IL1RAPL1: variants seen among roughly 807,000 people sequenced by gnomAD.
IL1RAPL1 encodes interleukin 1 receptor accessory protein like 1, also known as interleukin-1 receptor accessory protein-like 1.
Under a neutral mutation model 48.4 loss-of-function variants are expected in IL1RAPL1, and 3 were observed. The ratio of observed to expected loss-of-function variants is 0.06; its 90% CI spans 0.03 to 0.16. The LOEUF (loss-of-function observed/expected upper bound fraction) is 0.16, where lower values mean the gene tolerates loss of function less well. IL1RAPL1 is among the 10% of genes least tolerant of loss of function. The pLI, the probability that IL1RAPL1 is intolerant of heterozygous loss-of-function variation, is 1.00. For missense variants in IL1RAPL1, 349 were observed against 530.6 expected (o/e 0.66, Z 3.36); for synonymous variants, 185 against 187.7 (o/e 0.99, Z 0.12).
intron 2 of IL1RAPL1, among the ~76,000 whole-genome samples, chrX:29,056,573 TTTC>T (rs1472041474): frequency 8.9e-6 from 1 of 112,172 alleles, no homozygotes; most frequent in East Asian, 2.8e-4. Flanking sequence ...TCCACCAAAT[TTTC>T]TTCTTTTCTT....
chrX:29,445,799 T>C (rs2147722552), intron 5 of IL1RAPL1, among the ~76,000 whole-genome samples: 1 of 111,772 alleles, frequency 8.9e-6, no homozygotes, highest in Admixed American at 9.5e-5. Flanking sequence ...GGTTCAGTCA[T>C]AGGAGCCCTG....
intron 2 of IL1RAPL1, among the ~76,000 whole-genome samples, chrX:29,095,757 C>G (rs1928199921): frequency 2.1e-5 from 2 of 94,283 alleles, no homozygotes; most frequent in Non-Finnish European, 2.1e-5. Context: ...GAATTCATGG[C>G]AATACTGCAT....
intron 2 of IL1RAPL1, among the ~76,000 whole-genome samples, chrX:28,908,710 T>C (rs1923283277): frequency 8.9e-6 from 1 of 111,888 alleles, no homozygotes; most frequent in African/African-American, 3.2e-5. Context: ...ATCAAGTTAA[T>C]TGATGATGCT....
At chrX:29,835,898 T>TTC (rs751809384) in intron 6 of IL1RAPL1, among the ~76,000 whole-genome samples, 10 of 101,637 alleles carry the variant, frequency 9.8e-5, no homozygotes, top group Admixed American at 4.2e-4. Context: ...TTTTTTTTTT[T>TTC]AGTTAGTTAG....
chrX:29,055,871 T>C (rs1286282274), intron 2 of IL1RAPL1, among the ~76,000 whole-genome samples: 1 of 112,008 alleles, frequency 8.9e-6, no homozygotes, highest in Admixed American at 9.5e-5. Flanking sequence ...TAGATGCATG[T>C]ATATGACTTC....
At chrX:29,898,021 T>A (rs1932420050) in intron 6 of IL1RAPL1, among the ~76,000 whole-genome samples, 1 of 111,590 alleles carries the variant, frequency 9.0e-6, no homozygotes, top group African/African-American at 3.3e-5. Context: ...TGTTGGGAAA[T>A]AAAGACTCAT....
intron 2 of IL1RAPL1, among the ~76,000 whole-genome samples, chrX:29,207,079 CA>C (rs968054551): frequency 1.8e-5 from 2 of 110,757 alleles, no homozygotes; most frequent in Admixed American, 9.7e-5. Flanking sequence ...GGAGTGGGGG[CA>C]GGGGGGAGGA....
intron 2 of IL1RAPL1, among the ~76,000 whole-genome samples, chrX:28,873,885 G>A (rs761482536): frequency 2.6e-4 from 28 of 108,002 alleles, no homozygotes; most frequent in African/African-American, 9.5e-4. Flanking sequence ...AAAATTGAGC[G>A]AGCAGCAGAT....
intron 2 of IL1RAPL1, among the ~76,000 whole-genome samples, chrX:29,009,159 A>C (rs1307215201): frequency 8.9e-6 from 1 of 111,998 alleles, no homozygotes; most frequent in Non-Finnish European, 1.9e-5. Flanking sequence ...GTACACATAG[A>C]CAAAAAGATG....
intron 1 of IL1RAPL1, among the ~76,000 whole-genome samples, chrX:28,710,514 C>A (rs1935429182): frequency 9.1e-6 from 1 of 109,428 alleles, no homozygotes; most frequent in Non-Finnish European, 1.9e-5. Context: ...GTTCAAAGAA[C>A]ACCAAGAAAA....
intron 2 of IL1RAPL1, among the ~76,000 whole-genome samples, chrX:28,883,355 G>A (rs755861117): frequency 8.9e-6 from 1 of 112,175 alleles, no homozygotes; most frequent in East Asian, 2.8e-4. Context: ...CTGTCCAATA[G>A]AAATTTTTGT....
intron 6 of IL1RAPL1, among the ~76,000 whole-genome samples, chrX:29,855,193 TAGAA>T (rs1931453842): frequency 8.9e-6 from 1 of 111,871 alleles, no homozygotes; most frequent in Non-Finnish European, 1.9e-5. Context: ...TTTCTCTCAG[TAGAA>T]AGAGTGTCTT....
chrX:29,856,641 G>C (rs191315629), intron 6 of IL1RAPL1, among the ~76,000 whole-genome samples: 1 of 111,564 alleles, frequency 9.0e-6, no homozygotes, highest in East Asian at 2.8e-4. Flanking sequence ...AGGATTTGTG[G>C]ATCTGTAGCT....
intron 6 of IL1RAPL1, among the ~76,000 whole-genome samples, chrX:29,725,108 G>A (rs1927741898): frequency 9.1e-6 from 1 of 110,002 alleles, no homozygotes; most frequent in Admixed American, 9.7e-5. Flanking sequence ...TATAAGAAGG[G>A]CTGAAAAAAA....
chrX:29,346,147 T>A (rs1006564147), intron 3 of IL1RAPL1, among the ~76,000 whole-genome samples: 12 of 112,261 alleles, frequency 1.1e-4, no homozygotes, highest in African/African-American at 3.2e-4. Context: ...GTAATGCCTG[T>A]CTCCCTTATA....
chrX:29,154,041 A>G (rs923216368), intron 2 of IL1RAPL1, among the ~76,000 whole-genome samples: 4 of 111,967 alleles, frequency 3.6e-5, no homozygotes, highest in Non-Finnish European at 7.5e-5. Context: ...TAGGCTTTGC[A>G]TGTTCTGGAG....
intron 2 of IL1RAPL1, among the ~76,000 whole-genome samples, chrX:28,993,410 G>C (rs766117450): frequency 2.2e-4 from 25 of 111,823 alleles, no homozygotes; most frequent in South Asian, 7.4e-4. Flanking sequence ...GGCTGGCACT[G>C]GGGTGGCGGC....
intron 2 of IL1RAPL1, among the ~76,000 whole-genome samples, chrX:29,233,806 T>C (rs1171041610): frequency 8.9e-6 from 1 of 112,638 alleles, no homozygotes; most frequent in Admixed American, 9.4e-5. Context: ...GGCCTGACTT[T>C]ATCAGGTGAA....
intron 5 of IL1RAPL1, among the ~76,000 whole-genome samples, chrX:29,466,254 C>T (rs1039187813): frequency 2.6e-4 from 29 of 111,802 alleles, no homozygotes; most frequent in African/African-American, 8.1e-4. Context: ...AATCCATATT[C>T]CAGGACAGAA....
Sources: gnomAD v4.1 joint callset for allele counts (sites outside exome capture counted in the v4.1 genomes callset) on GRCh38, gnomAD v4.1.1 for gene constraint, MANE v1.5 for transcripts, NCBI Gene and HGNC (gene_info 2026-07-23, HGNC 2026-07-21) for gene names.